The following TIAM2 variants were observed in gnomAD, a reference collection of about 807,000 sequenced individuals.
The protein encoded by TIAM2 is rho guanine nucleotide exchange factor TIAM2.
Under a neutral mutation model 152.9 loss-of-function variants are expected in TIAM2, and 80 were observed. That is an observed-to-expected ratio of 0.52 (90% CI 0.44 to 0.63). The LOEUF (loss-of-function observed/expected upper bound fraction) is 0.63. TIAM2 is among the 30% of genes least tolerant of loss of function. The pLI, the probability that TIAM2 is intolerant of heterozygous loss-of-function variation, is 0.00. For synonymous variants in TIAM2, 804 were observed against 838.0 expected (o/e 0.96, Z 0.70); for missense variants, 1,965 against 2,120.1 (o/e 0.93, Z 1.44).
At chr6:155,001,355 C>G (rs765568807) in intron 1 of TIAM2, among the ~76,000 whole-genome samples, 19 of 152,340 alleles carry the variant, frequency 1.2e-4, no homozygotes, top group Middle Eastern at 6.8e-3. Context: ...GATCCTTCCA[C>G]TCTTCTATCC....
chr6:155,104,165 A>C (rs1778625464), intron 2 of TIAM2, among the ~76,000 whole-genome samples: 1 of 148,096 alleles, frequency 6.8e-6, no homozygotes, highest in Non-Finnish European at 1.5e-5. Context: ...GCTTGTGGTT[A>C]CTTGGGTGGT....
At chr6:155,036,517 A>C (rs1357056703) in intron 1 of TIAM2, among the ~76,000 whole-genome samples, 1 of 120,266 alleles carries the variant, frequency 8.3e-6, no homozygotes, top group Non-Finnish European at 1.7e-5. Flanking sequence ...CTCAAAAAAG[A>C]AAAAAAAAAA....
intron 14 of TIAM2, among the ~76,000 whole-genome samples, chr6:155,195,352 G>A (rs1352311472): frequency 6.6e-6 from 1 of 152,178 alleles, no homozygotes; most frequent in Admixed American, 6.5e-5. Context: ...TTACCCCATG[G>A]TAGGTACCCA....
At chr6:155,170,365 C>T (rs1245023327) in intron 9 of TIAM2, among the ~76,000 whole-genome samples, 1 of 152,118 alleles carries the variant, frequency 6.6e-6, no homozygotes, top group Non-Finnish European at 1.5e-5. Flanking sequence ...CATGGTGGCT[C>T]GTGCCTGTAA....
At chr6:155,025,686 A>G (rs1308745256) in intron 1 of TIAM2, among the ~76,000 whole-genome samples, 1 of 152,106 alleles carries the variant, frequency 6.6e-6, no homozygotes, top group Non-Finnish European at 1.5e-5. Context: ...CAAAGTTGAA[A>G]TTAATTTCCT....
chr6:155,234,939 G>T (rs1782669885), intron 15 of TIAM2, among the ~76,000 whole-genome samples: 1 of 152,240 alleles, frequency 6.6e-6, no homozygotes, highest in African/African-American at 2.4e-5. Flanking sequence ...TAAATACCTG[G>T]GAGTGGCAGG....
intron 1 of TIAM2, among the ~76,000 whole-genome samples, chr6:155,025,176 C>T (rs898269718): frequency 1.0e-4 from 15 of 148,304 alleles, no homozygotes; most frequent in African/African-American, 3.5e-4. Flanking sequence ...ATAGGCACCA[C>T]GTCTGGCTAA....
At chr6:155,176,731 C>G in intron 9 of TIAM2, 85 bp from the exon 10 acceptor site, 1 of 1,445,742 alleles carries the variant, frequency 6.9e-7, no homozygotes, top group Non-Finnish European at 9.5e-7. Flanking sequence ...CTAAATACTC[C>G]GTAAATGAAC....
chr6:155,216,508 G>A (rs966868113), intron 15 of TIAM2: 5 of 152,402 alleles, frequency 3.3e-5, no homozygotes, highest in African/African-American at 4.8e-5. Flanking sequence ...TTCTCTGTAA[G>A]GGTGCCTATT....
rs1229838151 is a variant in TIAM2, at chr6:155,009,126, G to A, written c.-209+13634G>A. On this transcript the variant is annotated intron_variant, in intron 1 of 26. Transcript: ENST00000682666. ...TTTTTTTTTTTTTTTTTTTGAGGCA[G>A]GGTCTCGCTCTGTCACCGAGGCTGG... Among the ~76,000 whole-genome samples the A allele has an allele frequency of 2.1e-5, 3 of 142,192 alleles. No individual in the cohort carries two copies. The East Asian group carries it at 6.1e-4, about 29-fold the overall frequency. The allele number at this position is 142,192 out of a possible 152,430, so 93.3% of individuals were successfully genotyped here. A position where few individuals can be genotyped will look rare whatever the true frequency, so the allele number is the denominator to read the frequency against.
intron 15 of TIAM2, among the ~76,000 whole-genome samples, chr6:155,223,233 C>T (rs545046802): frequency 6.6e-6 from 1 of 152,294 alleles, no homozygotes; most frequent in East Asian, 1.9e-4. Context: ...GAGTAAACAT[C>T]TGAATAGCCT....
At chr6:155,143,997 C>T (rs1356571516) in intron 5 of TIAM2, among the ~76,000 whole-genome samples, 1 of 152,114 alleles carries the variant, frequency 6.6e-6, no homozygotes, top group Non-Finnish European at 1.5e-5. Flanking sequence ...CTGTGTTCAC[C>T]TTATCTTATG....
At chr6:155,025,432 C>T (rs1776582417) in intron 1 of TIAM2, among the ~76,000 whole-genome samples, 1 of 152,066 alleles carries the variant, frequency 6.6e-6, no homozygotes, top group Non-Finnish European at 1.5e-5. Context: ...CTGCCCTCCT[C>T]AGCCTCCCAA....
intron 1 of TIAM2, among the ~76,000 whole-genome samples, chr6:155,076,048 G>A (rs1777951399): frequency 6.6e-6 from 1 of 152,178 alleles, no homozygotes; most frequent in Non-Finnish European, 1.5e-5. Flanking sequence ...GCAATGCTGT[G>A]TTTTGACTAG....
At chr6:155,048,109 T>C (rs1287819053) in intron 1 of TIAM2, among the ~76,000 whole-genome samples, 1 of 152,034 alleles carries the variant, frequency 6.6e-6, no homozygotes, top group Admixed American at 6.6e-5. Context: ...TGTGCCACCA[T>C]AGCCACCTAA....
At chr6:155,051,603 A>G (rs1376187190) in intron 1 of TIAM2, among the ~76,000 whole-genome samples, 1 of 151,984 alleles carries the variant, frequency 6.6e-6, no homozygotes, top group African/African-American at 2.4e-5. Context: ...GTCTGCTTGC[A>G]AGATATTTTT....
At chr6:155,029,022 T>C (rs1360988210) in intron 1 of TIAM2, among the ~76,000 whole-genome samples, 1 of 129,482 alleles carries the variant, frequency 7.7e-6, no homozygotes, top group Non-Finnish European at 1.6e-5. Flanking sequence ...ATGTTATATA[T>C]ACACTGTATA....
At chr6:155,203,586 CATTT>C (rs1781530687) in intron 14 of TIAM2, among the ~76,000 whole-genome samples, 1 of 152,034 alleles carries the variant, frequency 6.6e-6, no homozygotes. Context: ...TTAATTAAAC[CATTT>C]ATTATTCACT....
chr6:155,032,681 C>T (rs376588927), intron 1 of TIAM2, among the ~76,000 whole-genome samples: 6 of 152,232 alleles, frequency 3.9e-5, no homozygotes, highest in East Asian at 3.9e-4. Flanking sequence ...GCTGAGATTA[C>T]GGGCACCTGC....
Sources: allele counts gnomAD v4.1 joint callset (sites outside exome capture counted in the v4.1 genomes callset), GRCh38; gene constraint gnomAD v4.1.1; transcripts MANE v1.5; gene names NCBI Gene and HGNC (gene_info 2026-07-23, HGNC 2026-07-21).